Variants in GNA14 observed in about 807,000 individuals in gnomAD.
GNA14 encodes the protein guanine nucleotide-binding protein subunit alpha-14.
In GNA14, 50 loss-of-function variants were observed where a neutral mutation model predicts 42.0. That is an observed-to-expected ratio of 1.19 (90% CI 0.95 to 1.51). The LOEUF (loss-of-function observed/expected upper bound fraction) is 1.51, where lower values mean the gene tolerates loss of function less well. Ranked by LOEUF, GNA14 falls within the 40% of genes most tolerant of loss-of-function variation. The pLI, the probability that GNA14 is intolerant of heterozygous loss-of-function variation, is 0.00. For synonymous variants in GNA14, 173 were observed against 163.1 expected (o/e 1.06, Z -0.46); for missense variants, 473 against 446.2 (o/e 1.06, Z -0.54).
At chr9:77,461,858 G>A (rs562300242) in intron 2 of GNA14, among the ~76,000 whole-genome samples, 1 of 152,186 alleles carries the variant, frequency 6.6e-6, no homozygotes, top group East Asian at 1.9e-4. Context: ...TATATTGTGT[G>A]CTTTTTAATT....
At chr9:77,562,033 A>C (rs1822891173) in intron 1 of GNA14, among the ~76,000 whole-genome samples, 1 of 152,188 alleles carries the variant, frequency 6.6e-6, no homozygotes, top group Non-Finnish European at 1.5e-5. Flanking sequence ...GTCTGAAAGG[A>C]ATATGATAGG....
At chr9:77,490,941 G>A (rs904971957) in intron 2 of GNA14, among the ~76,000 whole-genome samples, 9 of 152,218 alleles carry the variant, frequency 5.9e-5, no homozygotes, top group Non-Finnish European at 1.2e-4. Context: ...ACGCTGTCAC[G>A]TCTCACAAGG....
intron 1 of GNA14, among the ~76,000 whole-genome samples, chr9:77,643,186 T>A (rs1407230195): frequency 6.6e-6 from 1 of 152,004 alleles, no homozygotes; most frequent in African/African-American, 2.4e-5. Context: ...TAAAGGAACG[T>A]GGGCATATTT....
chr9:77,548,152 C>T (rs989307387), intron 1 of GNA14, among the ~76,000 whole-genome samples: 6 of 152,202 alleles, frequency 3.9e-5, no homozygotes, highest in South Asian at 2.1e-4. Flanking sequence ...CATCCTCTCA[C>T]GGAGCTGCTG....
At chr9:77,434,083 C>A (rs1835601788) in intron 3 of GNA14, among the ~76,000 whole-genome samples, 1 of 152,152 alleles carries the variant, frequency 6.6e-6, no homozygotes, top group South Asian at 2.1e-4. Context: ...ACTTAAGGGA[C>A]CTCAGATTTG....
In GNA14 at chr9:77,615,702, TACACACACACACACACACACACACAC is replaced by T. The variant is rs59087574; in HGVS notation, c.124+31942_124+31967del. 1.9e-4 allele frequency among the ~76,000 whole-genome samples: 26 copies of T among 134,472 alleles called. No individual in the cohort carries two copies. In the South Asian group the frequency reaches 4.1e-3, roughly 21 times the overall value. 88.2% of individuals were successfully genotyped at this position (134,472 alleles called of 152,430 possible). A position where few individuals can be genotyped will look rare whatever the true frequency, so the allele number is the denominator to read the frequency against. On this transcript the variant is annotated intron_variant, in intron 1 of 6. Coordinates refer to ENST00000341700, the MANE Select transcript of GNA14 (RefSeq NM_004297.4). ...CCACTGCTGGTGGTTGAAAATGAAA[TACACACACACACACACACACACACAC>T]ACACACACACACACACACACACACG...
chr9:77,596,622 G>A (rs72732784), intron 1 of GNA14, among the ~76,000 whole-genome samples: 401 of 152,130 alleles, frequency 2.6e-3, no homozygotes, highest in Non-Finnish European at 4.3e-3. Flanking sequence ...AGATTATACC[G>A]ATCCCAAAAT....
intron 1 of GNA14, among the ~76,000 whole-genome samples, chr9:77,556,360 G>T (rs530868788): frequency 6.6e-6 from 1 of 152,114 alleles, no homozygotes; most frequent in Non-Finnish European, 1.5e-5. Flanking sequence ...CTAATGGGGT[G>T]GGGGCAGAGA....
chr9:77,437,210 G>A (rs1263783113), intron 2 of GNA14, among the ~76,000 whole-genome samples: 1 of 152,128 alleles, frequency 6.6e-6, no homozygotes, highest in Non-Finnish European at 1.5e-5. Context: ...TGAACTTCAG[G>A]GTGAATGAAA....
At chr9:77,542,456 C>T (rs2131776882) in intron 1 of GNA14, among the ~76,000 whole-genome samples, 1 of 152,278 alleles carries the variant, frequency 6.6e-6, no homozygotes, top group South Asian at 2.1e-4. Flanking sequence ...TACTTAAACC[C>T]ACAGTATATG....
intron 1 of GNA14, among the ~76,000 whole-genome samples, chr9:77,536,875 TC>T (rs1339680677): frequency 6.6e-6 from 1 of 152,248 alleles, no homozygotes; most frequent in African/African-American, 2.4e-5. Flanking sequence ...TAATTATTTT[TC>T]TAATTTGAGA....
At chr9:77,532,072 C>T (rs144967261) in intron 1 of GNA14, among the ~76,000 whole-genome samples, 7 of 151,978 alleles carry the variant, frequency 4.6e-5, no homozygotes, top group Non-Finnish European at 1.0e-4. Context: ...ACTCACCTTG[C>T]GGAGATCCTC....
intron 1 of GNA14, among the ~76,000 whole-genome samples, chr9:77,555,433 G>C (rs1375310464): frequency 6.6e-6 from 1 of 152,140 alleles, no homozygotes; most frequent in East Asian, 1.9e-4. Flanking sequence ...GAGCCTGGGA[G>C]GCCTAAGTTG....
intron 2 of GNA14, among the ~76,000 whole-genome samples, chr9:77,438,647 T>G (rs755431153): frequency 8.5e-5 from 13 of 152,142 alleles, no homozygotes; most frequent in Non-Finnish European, 1.5e-4. Context: ...GTACAAAGAC[T>G]TCTTCTATGC....
chr9:77,644,778 A>AGC (rs1269309643), intron 1 of GNA14, among the ~76,000 whole-genome samples: 14 of 152,326 alleles, frequency 9.2e-5, no homozygotes, highest in South Asian at 2.1e-4. Flanking sequence ...CCAATTAACA[A>AGC]GCCACACTTC....
At chr9:77,567,633 G>A (rs768432828) in intron 1 of GNA14, among the ~76,000 whole-genome samples, 12 of 152,156 alleles carry the variant, frequency 7.9e-5, no homozygotes, top group Admixed American at 2.6e-4. Flanking sequence ...TTGGGAGGCC[G>A]AGGTGGATGG....
chr9:77,541,410 C>G (rs754107381), intron 1 of GNA14, among the ~76,000 whole-genome samples: 1 of 152,056 alleles, frequency 6.6e-6, no homozygotes, highest in Non-Finnish European at 1.5e-5. Flanking sequence ...TGCTGTTAGT[C>G]AGATAGGGGT....
rs138482055 is a variant in GNA14, at chr9:77,548,112, C to T, written c.125-18859G>A. Among the ~76,000 whole-genome samples the T allele has an allele frequency of 3.3e-5, 5 of 152,310 alleles. No homozygotes were observed. In the East Asian group the frequency reaches 9.7e-4, roughly 29 times the overall value. On this transcript the variant is annotated intron_variant, in intron 1 of 6. Transcript: ENST00000341700. ...CTTAGGCTGCTGTAACAAAGTACCT[C>T]ATACTGGCTGGCTTAAAACCCAGGA... is the stretch of plus-strand genomic sequence containing the variant.
chr9:77,586,371 A>G (rs923905948), intron 1 of GNA14, among the ~76,000 whole-genome samples: 3 of 152,220 alleles, frequency 2.0e-5, no homozygotes, highest in Non-Finnish European at 2.9e-5. Context: ...ATAAAGATAT[A>G]TAGTCAACAA....
Sources: gnomAD v4.1 joint callset for allele counts (sites outside exome capture counted in the v4.1 genomes callset) on GRCh38, gnomAD v4.1.1 for gene constraint, MANE v1.5 for transcripts, NCBI Gene and HGNC (gene_info 2026-07-23, HGNC 2026-07-21) for gene names.